Variants in GOLGA4 observed in about 807,000 individuals in gnomAD.
GOLGA4 encodes golgin A4.
A neutral mutation model predicts 265.9 loss-of-function variants in GOLGA4; 169 were observed. That is an observed-to-expected ratio of 0.64 (90% confidence interval 0.56 to 0.72). The LOEUF (loss-of-function observed/expected upper bound fraction) is 0.72. GOLGA4 is among the 30% of genes least tolerant of loss of function. The probability of loss-of-function intolerance (pLI) is 0.00; values close to 1 mark genes in which losing one functional copy is unlikely to be tolerated. For missense variants in GOLGA4, 2,482 were observed against 2,483.4 expected, an observed-to-expected ratio of 1.00 and a Z score of 0.01; for synonymous variants, 923 against 855.8, an observed-to-expected ratio of 1.08 and a Z score of -1.37.
intron 1 of GOLGA4, chr3:37,250,232 AAT>A (rs750057607): frequency 1.3e-5 from 2 of 152,256 alleles, no homozygotes; most frequent in African/African-American, 2.4e-5. Context: ...AGATTGTAGA[AAT>A]AGACTCTTGA....
chr3:37,333,920 T>C (rs147226712), intron 16 of GOLGA4, among the ~76,000 whole-genome samples: 61 of 152,364 alleles, frequency 4.0e-4, no homozygotes, highest in African/African-American at 1.4e-3. Context: ...CCTAACTATG[T>C]TTGCATTTGT....
At chr3:37,307,719 C>G (rs1282074887) in intron 10 of GOLGA4, among the ~76,000 whole-genome samples, 3 of 151,776 alleles carry the variant, frequency 2.0e-5, no homozygotes, top group Non-Finnish European at 4.4e-5. Flanking sequence ...AAATGAATAA[C>G]TGCTGGAAAA....
intron 2 of GOLGA4, among the ~76,000 whole-genome samples, chr3:37,258,206 A>G (rs538144969): frequency 6.8e-6 from 1 of 146,538 alleles, no homozygotes; most frequent in Admixed American, 6.9e-5. Context: ...TATGATATAT[A>G]TAGCATATAT....
At position 37,337,746 on chromosome 3, in the gene GOLGA4, A is replaced by C; in HGVS notation, c.6396+12A>C. On this transcript the variant is annotated intron_variant, in intron 19 of 23. Coordinates refer to ENST00000361924, the MANE Select transcript of GOLGA4 (RefSeq NM_002078.5). The stretch of plus-strand genomic sequence containing the variant: ...AGTTCAGAGAACAGGTACAGGCCTA[A>C]TTGGTACCTTTTATTTTGAACTAAA... 1.3e-6 allele frequency: 2 copies of C among 1,522,452 alleles called. No individual in the cohort carries two copies. The highest frequency in any genetic ancestry group is 1.8e-6 in the Non-Finnish European group (2 of 1,096,632). The allele number at this position is 1,522,452 out of a possible 1,614,324, so 94.3% of individuals were successfully genotyped here.
chr3:37,295,377 C>G (rs1471475753), intron 6 of GOLGA4, among the ~76,000 whole-genome samples: 2 of 152,096 alleles, frequency 1.3e-5, no homozygotes, highest in Non-Finnish European at 2.9e-5. Context: ...TGCCACCACG[C>G]CCAGCTAATT....
chr3:37,286,741 C>T (rs560416994), intron 4 of GOLGA4, among the ~76,000 whole-genome samples: 2 of 152,276 alleles, frequency 1.3e-5, no homozygotes, highest in South Asian at 2.1e-4. Flanking sequence ...TTTCCTTCTG[C>T]TTTTTAAATA....
rs2096894891 is a variant in GOLGA4, at chr3:37,302,226, C to T, written c.1128C>T (p.Thr376=). The T allele has an allele frequency of 1.2e-5, 19 of 1,613,170 alleles. No homozygotes were observed. The highest frequency in any genetic ancestry group is 1.6e-5 in the Non-Finnish European group (19 of 1,179,234). Residue 376 remains threonine (T), a synonymous_variant, in exon 10 of 24, where the codon ACC becomes ACT. Coordinates refer to ENST00000361924, the MANE Select transcript of GOLGA4 (RefSeq NM_002078.5). ...AGACAAAACGTCAGATGCATGAAAC[C>T]CTGGAAATGAAAGAAGAAGAAATTG... ...IAETKRQMHE[T]LEMKEEEIAQ... is the part of the protein sequence containing the mutation.
Position 37,328,976 on chromosome 3 carries a change from G to T in GOLGA4, c.6075G>T (p.Glu2025Asp). The change falls in exon 16 of 24, where the codon GAG becomes GAT. Residue 2025 changes from glutamate (E) to aspartate (D), a missense_variant. Transcript: ENST00000361924. ...TTTATTTATTAGATAAGGCCCAGGA[G>T]GTGGAGGCTGAACTTTTAGAAAGCC... Reference protein sequence around the residue: ...TIKETINKAQEVEAELLESHQ... With the variant: ...TIKETINKAQDVEAELLESHQ... 2 of 1,604,342 alleles carry T rather than the reference G, an allele frequency of 1.2e-6. No individual in the cohort carries two copies. Among genetic ancestry groups the T allele is most frequent in the African/African-American group, 1.3e-5 (1 of 74,438 alleles).
chr3:37,282,859 A>G (rs1033518138), intron 3 of GOLGA4, among the ~76,000 whole-genome samples: 7 of 152,138 alleles, frequency 4.6e-5, no homozygotes, highest in Admixed American at 2.0e-4. Flanking sequence ...TCACTTTTCA[A>G]TCCTTTAGGA....
intron 12 of GOLGA4, among the ~76,000 whole-genome samples, chr3:37,321,363 T>C (rs1016668504): frequency 2.0e-5 from 3 of 152,220 alleles, no homozygotes; most frequent in African/African-American, 4.8e-5. Context: ...CTGTATAAAC[T>C]TAAAATCTAG....
At chr3:37,316,201 T>C (rs1414474531) in intron 11 of GOLGA4, among the ~76,000 whole-genome samples, 6 of 60,052 alleles carry the variant, frequency 1.0e-4, no homozygotes, top group African/African-American at 3.3e-4. Flanking sequence ...TTTTTCTGCT[T>C]TTTTTTTTTT....
intron 2 of GOLGA4, among the ~76,000 whole-genome samples, chr3:37,281,296 T>C (rs939040096): frequency 1.3e-5 from 2 of 152,224 alleles, no homozygotes; most frequent in Non-Finnish European, 2.9e-5. Flanking sequence ...CTGTCCTCCA[T>C]GATTTGTTAA....
rs562990140 is a variant in GOLGA4 at position 37,324,249 on chromosome 3, G to T, written c.2363G>T (p.Arg788Met). ...GAAAATTTAGAGGCAGATATTAAAAGGTCTGAAGGGGAACTCCAGCAGGCA... is the reference window on the plus strand; with the variant it reads ...GAAAATTTAGAGGCAGATATTAAAATGTCTGAAGGGGAACTCCAGCAGGCA... ...HVENLEADIK[R>M]SEGELQQASA... is the part of the protein sequence containing the mutation. Residue 788 changes from arginine to methionine, a missense_variant, in exon 14 of 24, where the codon AGG becomes ATG. Arg to Met is a moderately conservative substitution (Grantham distance 91). Transcript: ENST00000361924. The T allele has an allele frequency of 5.6e-6, 9 of 1,614,116 alleles. No homozygotes were observed. The highest frequency in any genetic ancestry group is 1.6e-4 in the Middle Eastern group (1 of 6,062).
chr3:37,280,487 A>G (rs1305722659), intron 2 of GOLGA4, among the ~76,000 whole-genome samples: 2 of 152,218 alleles, frequency 1.3e-5, no homozygotes, highest in Admixed American at 6.5e-5. Flanking sequence ...TCTCATCCCC[A>G]TGATGTCTCA....
At position 37,324,395 on chromosome 3, in the gene GOLGA4, C is replaced by A. The variant is rs752995199; in HGVS notation, c.2509C>A (p.Leu837Ile). 1.7e-5 allele frequency: 27 copies of A among 1,614,086 alleles called. No individual in the cohort carries two copies. The highest frequency in any genetic ancestry group is 2.3e-5 in the Non-Finnish European group (27 of 1,179,952). Residue 837 changes from leucine to isoleucine, a missense_variant, in exon 14 of 24, where the codon CTT becomes ATT. Leu to Ile is a conservative substitution (Grantham distance 5, BLOSUM62 2). Around this residue, in one of 3 missense-constraint regions of GOLGA4, gnomAD observed 1,536 missense variants for 1,483.7 expected, o/e 1.04. Coordinates refer to ENST00000361924, the MANE Select transcript of GOLGA4 (RefSeq NM_002078.5). ...KLLDLETERI[L>I]LTKQVAEVEA... ...GTTGGATTTGGAAACAGAAAGAATT[C>A]TTCTTACCAAACAGGTTGCTGAAGT...
Position 37,323,761 on chromosome 3 carries a change from C to A in GOLGA4, c.1875C>A (p.Ala625=). Residue 625 remains alanine, a synonymous_variant, in exon 14 of 24, where the codon GCC becomes GCA. Coordinates refer to ENST00000361924, the MANE Select transcript of GOLGA4 (RefSeq NM_002078.5). ...ELESLKHQQD[A]LWTEKLQVLK... The stretch of plus-strand genomic sequence containing the variant: ...AAAGCCTTAAGCATCAGCAGGATGC[C>A]CTTTGGACTGAAAAACTCCAAGTCT... 1 of 1,611,536 alleles carries A rather than the reference C, an allele frequency of 6.2e-7. No homozygotes were observed. Among genetic ancestry groups the A allele is most frequent in the Non-Finnish European group, 8.5e-7 (1 of 1,179,312 alleles).
chr3:37,366,083 T>G lies in GOLGA4; in HGVS notation c.*37T>G. On this transcript the variant is annotated 3_prime_UTR_variant, in exon 24 of 24. Coordinates refer to ENST00000361924, the MANE Select transcript of GOLGA4 (RefSeq NM_002078.5). ...TCTTTTCCTTTTTCTTTTCCAGTCA[T>G]GGCTCCGATCTTCATCTTGAAGAAG... 1 of 1,530,340 alleles carries G rather than the reference T, an allele frequency of 6.5e-7. No homozygotes were observed. Among genetic ancestry groups the G allele is most frequent in the Middle Eastern group, 1.7e-4 (1 of 5,968 alleles). The allele number at this position is 1,530,340 out of a possible 1,614,324, so 94.8% of individuals were successfully genotyped here.
At chr3:37,307,121 C>T (rs1020548566) in intron 10 of GOLGA4, among the ~76,000 whole-genome samples, 6 of 152,084 alleles carry the variant, frequency 3.9e-5, no homozygotes, top group Non-Finnish European at 8.8e-5. Flanking sequence ...TTGTAAACCC[C>T]GTTTCCCTTT....
chr3:37,327,693 A>G lies in GOLGA4; in HGVS notation c.5807A>G (p.Glu1936Gly), dbSNP rs765421632. 6.2e-7 allele frequency: 1 copy of G among 1,614,034 alleles called. No homozygotes were observed. Among genetic ancestry groups the G allele is most frequent in the East Asian group, 2.2e-5 (1 of 44,876 alleles). ...CTGGAGTTTAAATTAGCCGGGGCAG[A>G]ACGGGAGAAACAGAAACTGGGCAAG... ...NDLEFKLAGA[E>G]REKQKLGKEI... is the part of the protein sequence containing the mutation. Residue 1936 changes from glutamate to glycine, a missense_variant, in exon 14 of 24, where the codon GAA becomes GGA. Transcript: ENST00000361924.
Sources: allele counts gnomAD v4.1 joint callset (sites outside exome capture counted in the v4.1 genomes callset), GRCh38; gene constraint gnomAD v4.1.1; regional missense constraint gnomAD v4.1.1; transcripts MANE v1.5; gene names NCBI Gene and HGNC (gene_info 2026-07-23, HGNC 2026-07-21).